The following NRXN1 variants were observed in gnomAD, a reference collection of about 807,000 sequenced individuals.
NRXN1 encodes the protein neurexin-1.
NRXN1 carries 39 observed loss-of-function variants against 150.9 expected under a neutral mutation model. That is an observed-to-expected ratio of 0.26 (90% CI 0.20 to 0.34). The LOEUF is 0.34. NRXN1 is among the 10% of genes least tolerant of loss of function. The pLI, the probability that NRXN1 is intolerant of heterozygous loss-of-function variation, is 1.00. For missense variants in NRXN1, 1,815 were observed against 1,949.9 expected, an observed-to-expected ratio of 0.93 and a Z score of 1.30; for synonymous variants, 924 against 757.0, an observed-to-expected ratio of 1.22 and a Z score of -3.62.
intron 5 of NRXN1, among the ~76,000 whole-genome samples, chr2:50,644,768 T>C (rs999556296): frequency 2.5e-4 from 37 of 146,964 alleles, no homozygotes; most frequent in South Asian, 1.7e-3. Flanking sequence ...AATATTTATA[T>C]ATAAATTTTG....
intron 5 of NRXN1, among the ~76,000 whole-genome samples, chr2:50,863,644 T>C (rs1676464268): frequency 6.6e-6 from 1 of 152,052 alleles, no homozygotes; most frequent in Non-Finnish European, 1.5e-5. Context: ...CCTAAAAATG[T>C]CTGAAAACAA....
intron 5 of NRXN1, among the ~76,000 whole-genome samples, chr2:50,773,038 T>A (rs978292356): frequency 1.3e-5 from 2 of 152,194 alleles, no homozygotes; most frequent in Non-Finnish European, 2.9e-5. Context: ...ATGTTATTAA[T>A]GAAAGGAACT....
intron 15 of NRXN1, among the ~76,000 whole-genome samples, chr2:50,494,413 G>A (rs551629477): frequency 3.9e-5 from 6 of 152,240 alleles, no homozygotes; most frequent in East Asian, 1.9e-4. Context: ...TGAGCCCACT[G>A]TGCAAAACAG....
chr2:50,800,878 C>A (rs1338890060), intron 5 of NRXN1, among the ~76,000 whole-genome samples: 1 of 152,012 alleles, frequency 6.6e-6, no homozygotes, highest in Non-Finnish European at 1.5e-5. Context: ...GCACTTGTTA[C>A]AAAAATCTTC....
At chr2:50,245,489 T>TA (rs2066415144) in intron 17 of NRXN1, among the ~76,000 whole-genome samples, 1 of 152,034 alleles carries the variant, frequency 6.6e-6, no homozygotes, top group South Asian at 2.1e-4. Context: ...CAATTTGTAT[T>TA]AAAGCTATAG....
At chr2:50,365,055 C>T (rs1179103856) in intron 17 of NRXN1, among the ~76,000 whole-genome samples, 2 of 151,958 alleles carry the variant, frequency 1.3e-5, no homozygotes, top group African/African-American at 4.8e-5. Context: ...TAAACTGCTA[C>T]ACAAGCAAAA....
chr2:50,412,346 T>A (rs1223910475), intron 17 of NRXN1, among the ~76,000 whole-genome samples: 1 of 151,184 alleles, frequency 6.6e-6, no homozygotes, highest in Non-Finnish European at 1.5e-5. Context: ...AAAAAAATAA[T>A]AAATAATAAA....
chr2:50,473,331 G>T (rs2089696044), intron 15 of NRXN1, among the ~76,000 whole-genome samples: 1 of 151,170 alleles, frequency 6.6e-6, no homozygotes, highest in African/African-American at 2.4e-5. Context: ...CTAGGTTTGA[G>T]ATTCCCCAAC....
chr2:50,430,180 A>C (rs1215076286), intron 17 of NRXN1, among the ~76,000 whole-genome samples: 2 of 152,200 alleles, frequency 1.3e-5, no homozygotes, highest in African/African-American at 4.8e-5. Flanking sequence ...TTTGCCTATC[A>C]GTCATGACGG....
At chr2:50,704,191 T>C (rs1050805011) in intron 5 of NRXN1, among the ~76,000 whole-genome samples, 11 of 152,068 alleles carry the variant, frequency 7.2e-5, no homozygotes, top group Admixed American at 5.9e-4. Context: ...CATCCTCTTA[T>C]ATCAACAGAG....
chr2:50,177,838 T>G (rs2152807454), intron 18 of NRXN1, among the ~76,000 whole-genome samples: 1 of 139,198 alleles, frequency 7.2e-6, no homozygotes, highest in African/African-American at 2.6e-5. Context: ...CCTCCCTCTC[T>G]GTCACACACA....
At chr2:50,849,980 A>T (rs920646054) in intron 5 of NRXN1, among the ~76,000 whole-genome samples, 26 of 152,072 alleles carry the variant, frequency 1.7e-4, no homozygotes, top group Non-Finnish European at 3.7e-4. Context: ...CTGAGGCAGG[A>T]AGATCGCTTG....
At chr2:49,986,279 T>C (rs1226766551) in intron 21 of NRXN1, among the ~76,000 whole-genome samples, 1 of 152,206 alleles carries the variant, frequency 6.6e-6, no homozygotes, top group Non-Finnish European at 1.5e-5. Flanking sequence ...GACATACATA[T>C]TGTTTATGTA....
At chr2:50,019,711 C>G (rs1031684852) in intron 21 of NRXN1, among the ~76,000 whole-genome samples, 2 of 145,286 alleles carry the variant, frequency 1.4e-5, no homozygotes, top group Non-Finnish European at 3.0e-5. Context: ...CTTTGGGAGG[C>G]CTAGGCGGGC....
At chr2:50,963,840 G>A (rs1693597415) in intron 2 of NRXN1, 1 of 295,868 alleles carries the variant, frequency 3.4e-6, no homozygotes, top group Non-Finnish European at 6.9e-6. Context: ...AACTTAGAAA[G>A]TGCTTCTTTC....
chr2:49,931,841 A>T (rs1286834858), intron 22 of NRXN1, among the ~76,000 whole-genome samples: 1 of 152,202 alleles, frequency 6.6e-6, no homozygotes, highest in Non-Finnish European at 1.5e-5. Flanking sequence ...CTGGGAGCTC[A>T]TTGACTACAA....
At chr2:50,320,028 AAACCT>A (rs889389777) in intron 17 of NRXN1, among the ~76,000 whole-genome samples, 4 of 151,674 alleles carry the variant, frequency 2.6e-5, no homozygotes, top group Non-Finnish European at 5.9e-5. Context: ...AGTGTTATCG[AAACCT>A]AACATTTCCC....
chr2:50,773,299 A>T (rs1703229286), intron 5 of NRXN1, among the ~76,000 whole-genome samples: 1 of 152,176 alleles, frequency 6.6e-6, no homozygotes, highest in Admixed American at 6.6e-5. Context: ...TTTTCAGATC[A>T]GACATTCTGT....
At chr2:50,653,883 C>T (rs1452443873) in intron 5 of NRXN1, among the ~76,000 whole-genome samples, 1 of 151,314 alleles carries the variant, frequency 6.6e-6, no homozygotes, top group African/African-American at 2.4e-5. Context: ...ACTTTGTTTC[C>T]TTCATTTTCT....
Sources: allele counts gnomAD v4.1 joint callset (sites outside exome capture counted in the v4.1 genomes callset), GRCh38; gene constraint gnomAD v4.1.1; transcripts MANE v1.5; gene names NCBI Gene and HGNC (gene_info 2026-07-23, HGNC 2026-07-21).